The following TRAK1 variants were observed in gnomAD, a reference collection of about 807,000 sequenced individuals.
TRAK1 encodes the protein trafficking kinesin protein 1, also known as trafficking kinesin-binding protein 1.
TRAK1 carries 33 observed loss-of-function variants against 92.1 expected under a neutral mutation model. That is an observed-to-expected ratio of 0.36 (90% CI 0.27 to 0.48). The LOEUF (loss-of-function observed/expected upper bound fraction) is 0.48. Ranked by LOEUF, TRAK1 falls within the 20% of genes least tolerant of loss-of-function variation. The pLI, the probability that TRAK1 is intolerant of heterozygous loss-of-function variation, is 0.99. For synonymous variants in TRAK1, 521 were observed against 517.3 expected (o/e 1.01, Z -0.10); for missense variants, 1,123 against 1,257.9 (o/e 0.89, Z 1.62).
chr3:42,097,718 C>T (rs1706144023), intron 1 of TRAK1, among the ~76,000 whole-genome samples: 1 of 152,180 alleles, frequency 6.6e-6, no homozygotes, highest in African/African-American at 2.4e-5. Flanking sequence ...GCTTGGATTT[C>T]GAATTCTGGA....
rs189985113 is a variant in TRAK1, at chr3:42,225,819, G to A, written c.*2082G>A. On this transcript the variant is annotated 3_prime_UTR_variant, in exon 16 of 16. Coordinates refer to ENST00000327628, the MANE Select transcript of TRAK1 (RefSeq NM_001042646.3). ...ATTTTGTTTTTATCTTTTCATCAAG[G>A]AGACGATCTCTTTATGTAAGACTTG... The A allele has an allele frequency of 6.6e-6, 1 of 152,268 alleles. No individual in the cohort carries two copies. Among genetic ancestry groups the A allele is most frequent in the East Asian group, 1.9e-4 (1 of 5,186 alleles). 9.4% of individuals were successfully genotyped at this position (152,268 alleles called of 1,614,324 possible). A position where few individuals can be genotyped will look rare whatever the true frequency, so the allele number is the denominator to read the frequency against.
At chr3:42,034,137 C>T (rs1702244244) in intron 1 of TRAK1, among the ~76,000 whole-genome samples, 1 of 152,202 alleles carries the variant, frequency 6.6e-6, no homozygotes, top group Non-Finnish European at 1.5e-5. Context: ...TTTTCCCCTG[C>T]ACCCCATTCT....
chr3:42,158,961 A>AAATAATAATAATAATAAT (rs4016239), intron 2 of TRAK1, among the ~76,000 whole-genome samples: 8 of 140,182 alleles, frequency 5.7e-5, no homozygotes, highest in African/African-American at 1.6e-4. Flanking sequence ...TCTGTCTCAA[A>AAATAATAATAATAATAAT]AATAATAATA....
chr3:42,132,382 G>GC (rs1209626405), intron 2 of TRAK1, among the ~76,000 whole-genome samples: 1 of 150,476 alleles, frequency 6.6e-6, no homozygotes, highest in African/African-American at 2.4e-5. Flanking sequence ...TCCCACCTCA[G>GC]CCCCCCAGTA....
chr3:42,125,316 A>T, intron 1 of TRAK1, 104 bp from the exon 2 acceptor site: 1 of 980,176 alleles, frequency 1.0e-6, no homozygotes, highest in Non-Finnish European at 1.5e-6. Context: ...TTTGTGCTGT[A>T]GATAAATAAC....
At chr3:42,126,900 C>T (rs1279894555) in intron 2 of TRAK1, among the ~76,000 whole-genome samples, 5 of 152,060 alleles carry the variant, frequency 3.3e-5, no homozygotes, top group Admixed American at 6.5e-5. Context: ...ACCCATAAAC[C>T]CTACAGAGTC....
At chr3:42,187,592 C>T (rs149766908) in intron 4 of TRAK1, among the ~76,000 whole-genome samples, 9,131 of 152,138 alleles carry the variant, frequency 0.06, 288 homozygotes, top group Middle Eastern at 0.079. Flanking sequence ...CTCAGCCTCC[C>T]GAGTAGCTGG....
chr3:42,125,377 T>C (rs2149139112), intron 1 of TRAK1, 43 bp from the exon 2 acceptor site: 1 of 1,591,168 alleles, frequency 6.3e-7, no homozygotes. Flanking sequence ...AGCAAGGCCA[T>C]AGCCATTTCT....
In TRAK1 at chr3:42,107,330, A is replaced by AT. The variant is rs529909106; in HGVS notation, c.91+15771dup. On this transcript the variant is annotated intron_variant, in intron 1 of 15. Transcript: ENST00000327628. ...GGAGATTGAGATCATCGTGGCCAAC[A>AT]TGAGGAAACCCGTCTCTACTAAAAT... 2.5e-3 allele frequency among the ~76,000 whole-genome samples: 385 copies of AT among 152,194 alleles called. 4 individuals carry two copies. The highest frequency in any genetic ancestry group is 0.01 in the South Asian group (49 of 4,824).
At chr3:42,218,158 A>G (rs9842527) in intron 14 of TRAK1, 97,672 of 985,024 alleles carry the variant, frequency 0.099, 8,780 homozygotes, top group African/African-American at 0.45. Flanking sequence ...TGTCCTGCCT[A>G]CCTTTAATCT....
At chr3:42,030,372 A>AAAAAAAT (rs540353037) in intron 1 of TRAK1, among the ~76,000 whole-genome samples, 6 of 132,320 alleles carry the variant, frequency 4.5e-5, no homozygotes, top group Admixed American at 8.0e-5. Context: ...TAAAAAAAAA[A>AAAAAAAT]ATATATATAT....
Position 42,198,727 on chromosome 3 carries a change from C to G in TRAK1, c.1114-450C>G, listed in dbSNP as rs575449753. Among the ~76,000 whole-genome samples, 9 of 152,258 alleles carry G rather than the reference C, an allele frequency of 5.9e-5. No homozygotes were observed. The South Asian group carries it at 1.9e-3, about 32-fold the overall frequency. ...GAGGGGGTGTGACAGACCCTGTAGACTAGGGGGACAATAGCTTTGTGTGGC... is the reference window on the plus strand; with the variant it reads ...GAGGGGGTGTGACAGACCCTGTAGAGTAGGGGGACAATAGCTTTGTGTGGC... On this transcript the variant is annotated intron_variant, in intron 10 of 15. Transcript: ENST00000327628.
intron 1 of TRAK1, among the ~76,000 whole-genome samples, chr3:42,093,789 A>C (rs1576310039): frequency 7.2e-6 from 1 of 138,810 alleles, no homozygotes. Context: ...TACAACCTCC[A>C]CCTCCCAGGT....
At chr3:42,044,388 C>A (rs1249262676) in intron 1 of TRAK1, among the ~76,000 whole-genome samples, 2 of 152,220 alleles carry the variant, frequency 1.3e-5, no homozygotes, top group African/African-American at 4.8e-5. Context: ...TCTCGAACTC[C>A]TGAGCTCAAG....
upstream of TRAK1, among the ~76,000 whole-genome samples, chr3:42,013,535 G>A (rs1701388433): frequency 6.6e-6 from 1 of 151,288 alleles, no homozygotes. This position sits in a 1 kb window ranked among gnomAD's most constrained non-coding sequence, Gnocchi z 5.1. Context: ...GCATCCTGGA[G>A]GGCGGCCCGC....
intron 1 of TRAK1, among the ~76,000 whole-genome samples, chr3:42,075,779 G>T (rs1014630951): frequency 6.6e-6 from 1 of 152,158 alleles, no homozygotes; most frequent in Non-Finnish European, 1.5e-5. Context: ...TTTTGGCCAT[G>T]TGTATGTCTT....
chr3:42,189,135 C>G lies in TRAK1; in HGVS notation c.690+11C>G, dbSNP rs938077269. 1 of 1,598,882 alleles carries G rather than the reference C, an allele frequency of 6.3e-7. No individual in the cohort carries two copies. Among genetic ancestry groups the G allele is most frequent in the African/African-American group, 1.3e-5 (1 of 74,634 alleles). ...GTACTTCGATCCGAGGTGATGTGCC[C>G]TCCCTTCTCTTGCCCCTGCTAGAAG... On this transcript the variant is annotated intron_variant, in intron 6 of 15. Coordinates refer to ENST00000327628, the MANE Select transcript of TRAK1 (RefSeq NM_001042646.3).
intron 4 of TRAK1, among the ~76,000 whole-genome samples, chr3:42,186,946 A>C (rs540222127): frequency 1.3e-5 from 2 of 152,246 alleles, no homozygotes; most frequent in Non-Finnish European, 2.9e-5. Context: ...AATTATAAAC[A>C]AGAAAGAGTT....
chr3:42,196,994 TCTCTCTCTCA>T (rs1331216013), intron 10 of TRAK1, among the ~76,000 whole-genome samples: 14 of 91,938 alleles, frequency 1.5e-4, no homozygotes, highest in African/African-American at 5.6e-4. Flanking sequence ...TCTCTCTCTC[TCTCTCTCTCA>T]CACACACACA....
Sources: gnomAD v4.1 joint callset for allele counts (sites outside exome capture counted in the v4.1 genomes callset) on GRCh38, gnomAD v4.1.1 for gene constraint, Gnocchi (gnomAD v3.1) non-coding constraint, MANE v1.5 for transcripts, NCBI Gene and HGNC (gene_info 2026-07-23, HGNC 2026-07-21) for gene names.